Variants in ROBO1 observed in about 807,000 individuals in gnomAD.
ROBO1 encodes the protein roundabout homolog 1.
A neutral mutation model predicts 195.9 loss-of-function variants in ROBO1; 149 were observed. The ratio of observed to expected loss-of-function variants is 0.76; its 90% CI spans 0.67 to 0.87. The LOEUF is 0.87. Ranked by LOEUF, ROBO1 falls within the 40% of genes least tolerant of loss-of-function variation. The pLI, the probability that ROBO1 is intolerant of heterozygous loss-of-function variation, is 0.00. For missense variants in ROBO1, 1,933 were observed against 2,068.3 expected (o/e 0.93, Z 1.27); for synonymous variants, 816 against 733.2 (o/e 1.11, Z -1.82).
intron 18 of ROBO1, among the ~76,000 whole-genome samples, chr3:78,656,259 A>G (rs1482440469): frequency 6.6e-6 from 1 of 152,056 alleles, no homozygotes; most frequent in South Asian, 2.1e-4. Flanking sequence ...ACAATTTTAA[A>G]TAGACACTAC....
chr3:79,090,417 CT>C (rs1408213165), intron 3 of ROBO1, among the ~76,000 whole-genome samples: 1 of 151,738 alleles, frequency 6.6e-6, no homozygotes, highest in Admixed American at 6.6e-5. Flanking sequence ...AGTGAACTTC[CT>C]TTCCCTTCCC....
At chr3:78,711,299 CTT>C (rs2081683713) in intron 8 of ROBO1, among the ~76,000 whole-genome samples, 1 of 135,722 alleles carries the variant, frequency 7.4e-6, no homozygotes, top group Admixed American at 6.9e-5. Context: ...CTTTCTTTCT[CTT>C]TCTTTCTTTC....
chr3:79,374,107 T>A (rs770913770), intron 2 of ROBO1, among the ~76,000 whole-genome samples: 3 of 152,136 alleles, frequency 2.0e-5, no homozygotes, highest in Non-Finnish European at 4.4e-5. Flanking sequence ...TTTTAAAAAG[T>A]GGAGCAAAAG....
At chr3:79,105,927 TC>T (rs544025957) in intron 3 of ROBO1, among the ~76,000 whole-genome samples, 1 of 151,648 alleles carries the variant, frequency 6.6e-6, no homozygotes, top group Non-Finnish European at 1.5e-5. Context: ...TTGCCGGAGG[TC>T]CCCAAAGATC....
At chr3:78,959,148 T>C (rs1355753817) in intron 3 of ROBO1, among the ~76,000 whole-genome samples, 2 of 151,994 alleles carry the variant, frequency 1.3e-5, no homozygotes, top group Non-Finnish European at 2.9e-5. Flanking sequence ...AAAGAGCAAA[T>C]ATCCCATCAA....
At chr3:78,896,654 C>T (rs1393882669) in intron 4 of ROBO1, among the ~76,000 whole-genome samples, 1 of 70,046 alleles carries the variant, frequency 1.4e-5, no homozygotes, top group Admixed American at 1.9e-4. Flanking sequence ...AGCCTTGTTG[C>T]TCACAAAAAA....
chr3:79,651,672 G>A (rs1170278552), intron 1 of ROBO1, among the ~76,000 whole-genome samples: 8 of 152,086 alleles, frequency 5.3e-5, no homozygotes, highest in African/African-American at 1.9e-4. Context: ...TCCAGATTAG[G>A]TCTAGAGAGC....
chr3:78,659,918 C>CTTTTTTTTTTTTTTTTTTT (rs76880412), intron 16 of ROBO1, 111 bp from the exon 17 acceptor site: 1 of 371,920 alleles, frequency 2.7e-6, no homozygotes, highest in Non-Finnish European at 4.1e-6. Context: ...TCAATATATG[C>CTTTTTTTTTTTTTTTTTTT]TTTTTTTTTT....
chr3:79,235,469 A>G (rs186578105), intron 2 of ROBO1, among the ~76,000 whole-genome samples: 3 of 152,228 alleles, frequency 2.0e-5, no homozygotes, highest in East Asian at 3.9e-4. Context: ...TTCCACTTCA[A>G]CTTTTGACTT....
chr3:79,626,392 G>A (rs778263372), intron 1 of ROBO1, among the ~76,000 whole-genome samples: 6 of 152,070 alleles, frequency 3.9e-5, no homozygotes, highest in African/African-American at 7.2e-5. Flanking sequence ...AGCCACGATC[G>A]TGCCATTGCA....
At chr3:79,668,681 C>T (rs1352730376) in intron 1 of ROBO1, among the ~76,000 whole-genome samples, 1 of 151,614 alleles carries the variant, frequency 6.6e-6, no homozygotes, top group Admixed American at 6.6e-5. Flanking sequence ...CACACACACG[C>T]ATTATACATG....
intron 1 of ROBO1, among the ~76,000 whole-genome samples, chr3:79,663,373 A>T (rs533038351): frequency 6.6e-6 from 1 of 152,178 alleles, no homozygotes; most frequent in East Asian, 1.9e-4. Flanking sequence ...TATTAATATC[A>T]ACATATACCA....
chr3:78,912,848 T>A (rs2038328201), intron 4 of ROBO1, among the ~76,000 whole-genome samples: 1 of 152,140 alleles, frequency 6.6e-6, no homozygotes. Context: ...AAGAATGTTA[T>A]CTTTAGTTTG....
intron 5 of ROBO1, among the ~76,000 whole-genome samples, chr3:78,722,729 A>C (rs1195170234): frequency 6.6e-6 from 1 of 152,156 alleles, no homozygotes; most frequent in Admixed American, 6.5e-5. Flanking sequence ...ATTTTCAGAT[A>C]CATATACTTA....
chr3:79,600,971 T>G (rs139687999), intron 1 of ROBO1, among the ~76,000 whole-genome samples: 14 of 152,126 alleles, frequency 9.2e-5, no homozygotes, highest in Admixed American at 8.5e-4. Context: ...AAGAAGAGTT[T>G]ACAGTAGGGC....
intron 2 of ROBO1, among the ~76,000 whole-genome samples, chr3:79,470,119 A>G (rs1938188684): frequency 1.3e-5 from 2 of 152,236 alleles, no homozygotes; most frequent in South Asian, 4.1e-4. Flanking sequence ...ATGTATGTTT[A>G]TTGCAGCACT....
chr3:78,848,895 T>C (rs1284700398), intron 4 of ROBO1, among the ~76,000 whole-genome samples: 2 of 152,132 alleles, frequency 1.3e-5, no homozygotes, highest in Admixed American at 1.3e-4. Flanking sequence ...CTTAAGTGGT[T>C]ATCGCACTAA....
intron 2 of ROBO1, among the ~76,000 whole-genome samples, chr3:79,257,167 T>C (rs2108928981): frequency 6.6e-6 from 1 of 152,292 alleles, no homozygotes; most frequent in East Asian, 1.9e-4. Flanking sequence ...TAAATTGTGT[T>C]TATTTAAGCA....
At chr3:78,860,720 A>G in intron 4 of ROBO1, among the ~76,000 whole-genome samples, 1 of 152,194 alleles carries the variant, frequency 6.6e-6, no homozygotes, top group African/African-American at 2.4e-5. Context: ...CCCATGCGAG[A>G]ACCTTCCAGA....
Sources: gnomAD v4.1 joint callset for allele counts (sites outside exome capture counted in the v4.1 genomes callset) on GRCh38, gnomAD v4.1.1 for gene constraint, MANE v1.5 for transcripts, NCBI Gene and HGNC (gene_info 2026-07-23, HGNC 2026-07-21) for gene names.